AZIN1: variants seen among roughly 807,000 people sequenced by gnomAD.
AZIN1 encodes antizyme inhibitor 1.
In AZIN1, 12 loss-of-function variants were observed where a neutral mutation model predicts 47.4. The observed-to-expected ratio is 0.25, with a 90% CI of 0.16 to 0.41. The LOEUF is 0.41. Among genes scored for constraint, AZIN1 ranks in the 10% least tolerant of loss-of-function variants. The pLI, the probability that AZIN1 is intolerant of heterozygous loss-of-function variation, is 1.00. For synonymous variants in AZIN1, 155 were observed against 176.3 expected, an observed-to-expected ratio of 0.88 and a Z score of 0.96; for missense variants, 410 against 532.4, an observed-to-expected ratio of 0.77 and a Z score of 2.26.
chr8:102,834,590 G>T, intron 7 of AZIN1, 76 bp downstream of exon 7: 1 of 1,133,660 alleles, frequency 8.8e-7, no homozygotes, highest in Non-Finnish European at 1.3e-6. Context: ...ATTCACACAG[G>T]CAGAAAATAC....
chr8:102,842,075 C>T (rs972544622), intron 3 of AZIN1, among the ~76,000 whole-genome samples: 10 of 151,604 alleles, frequency 6.6e-5, no homozygotes, highest in Admixed American at 1.3e-4. Context: ...CGCACCACTG[C>T]GCTCCAGCCT....
intron 2 of AZIN1, among the ~76,000 whole-genome samples, chr8:102,856,583 A>C (rs1017755525): frequency 1.3e-5 from 2 of 152,260 alleles, no homozygotes; most frequent in African/African-American, 4.8e-5. Flanking sequence ...AAGAGACACG[A>C]ATTAAAAGAA....
At chr8:102,840,411 T>C (rs1263770105) in intron 3 of AZIN1, among the ~76,000 whole-genome samples, 1 of 152,182 alleles carries the variant, frequency 6.6e-6, no homozygotes, top group East Asian at 1.9e-4. Flanking sequence ...GGTGCAATCA[T>C]AGCTTACTAC....
chr8:102,860,952 T>G (rs941261283), intron 1 of AZIN1, among the ~76,000 whole-genome samples: 2 of 152,164 alleles, frequency 1.3e-5, no homozygotes, highest in Non-Finnish European at 2.9e-5. Context: ...ACTGAGAAAC[T>G]GTCACAAACC....
At chr8:102,844,158 T>A (rs1423782806) in intron 2 of AZIN1, among the ~76,000 whole-genome samples, 2 of 152,208 alleles carry the variant, frequency 1.3e-5, no homozygotes, top group Non-Finnish European at 2.9e-5. Flanking sequence ...CAACTTCCAA[T>A]ATACTGTCAG....
At chr8:102,848,324 A>C (rs1446277542) in intron 2 of AZIN1, among the ~76,000 whole-genome samples, 1 of 22,142 alleles carries the variant, frequency 4.5e-5, no homozygotes, top group Non-Finnish European at 1.1e-4. Context: ...CTAAAAGGCC[A>C]AAAAAAAAAA....
chr8:102,831,995 C>T (rs1365083150), intron 9 of AZIN1, among the ~76,000 whole-genome samples: 2 of 152,108 alleles, frequency 1.3e-5, no homozygotes, highest in Non-Finnish European at 2.9e-5. Flanking sequence ...CTATCATGTG[C>T]CTCCTAACAT....
chr8:102,837,933 T>A (rs948304020), intron 5 of AZIN1, among the ~76,000 whole-genome samples: 3 of 152,228 alleles, frequency 2.0e-5, no homozygotes, highest in Admixed American at 6.5e-5. Flanking sequence ...TTTTTGCTTT[T>A]AAAAAAGTAA....
In AZIN1 at chr8:102,840,549, C is replaced by A. The variant is rs553567770; in HGVS notation, c.103-726G>T. Among the ~76,000 whole-genome samples the A allele has an allele frequency of 2.0e-5, 3 of 152,198 alleles. No individual in the cohort carries two copies. The East Asian group carries it at 5.8e-4, about 29-fold the overall frequency. On this transcript the variant is annotated intron_variant, in intron 3 of 11. Transcript: ENST00000337198. Reference sequence around the variant, plus strand: ...AAAAAGACAAGGTTGTTAGTCTGCACATGGAGATGTCAAAATTAGATTTTA... The same window carrying A: ...AAAAAGACAAGGTTGTTAGTCTGCAAATGGAGATGTCAAAATTAGATTTTA...
At chr8:102,863,549 C>A (rs1813895273) in intron 1 of AZIN1, among the ~76,000 whole-genome samples, 2 of 151,392 alleles carry the variant, frequency 1.3e-5, no homozygotes, top group South Asian at 4.1e-4. Flanking sequence ...GCCCCCTCGC[C>A]CCAACTGCTG....
At chr8:102,843,082 CTG>C (rs1812322219) in intron 3 of AZIN1, among the ~76,000 whole-genome samples, 1 of 151,492 alleles carries the variant, frequency 6.6e-6, no homozygotes, top group Non-Finnish European at 1.5e-5. Flanking sequence ...TGGTGTGCGC[CTG>C]TAATTCTAGC....
At chr8:102,835,375 A>G (rs111451996) in intron 6 of AZIN1, 7,354 of 152,472 alleles carry the variant, frequency 0.048, 258 homozygotes, top group Non-Finnish European at 0.071. Context: ...GTTGACTTAA[A>G]TTAAAACTTA....
chr8:102,844,198 GATAAATGTCTT>G (rs1812405864), intron 2 of AZIN1, among the ~76,000 whole-genome samples: 1 of 152,160 alleles, frequency 6.6e-6, no homozygotes, highest in East Asian at 1.9e-4. Context: ...GGTAATTGCA[GATAAATGTCTT>G]ATAAATAAAA....
chr8:102,842,336 G>A (rs764359389), intron 3 of AZIN1, among the ~76,000 whole-genome samples: 16 of 152,016 alleles, frequency 1.1e-4, no homozygotes, highest in African/African-American at 3.1e-4. Flanking sequence ...CTGGGAGGCT[G>A]AGGCGGGCAG....
chr8:102,846,321 TATG>T (rs1443007369), intron 2 of AZIN1, among the ~76,000 whole-genome samples: 1 of 152,236 alleles, frequency 6.6e-6, no homozygotes, highest in Non-Finnish European at 1.5e-5. Flanking sequence ...GCTACAGTAG[TATG>T]ATGATATGGA....
chr8:102,860,224 G>A (rs1224186843), intron 1 of AZIN1, among the ~76,000 whole-genome samples: 3 of 152,162 alleles, frequency 2.0e-5, no homozygotes, highest in East Asian at 3.8e-4. Flanking sequence ...GAGAGGGCTC[G>A]GTTGGTCAGT....
chr8:102,841,553 A>G (rs1812179888), intron 3 of AZIN1, among the ~76,000 whole-genome samples: 1 of 152,178 alleles, frequency 6.6e-6, no homozygotes, highest in Non-Finnish European at 1.5e-5. Context: ...GTTGACCAAT[A>G]TGACAAGTTT....
chr8:102,839,852 T>A, intron 3 of AZIN1, 29 bp from the exon 4 acceptor site: 1 of 1,511,526 alleles, frequency 6.6e-7, no homozygotes, highest in Admixed American at 2.1e-5. Flanking sequence ...AAAAGACAAA[T>A]ATGAACAAAA....
chr8:102,847,847 G>C (rs561092735), intron 2 of AZIN1, among the ~76,000 whole-genome samples: 3 of 151,968 alleles, frequency 2.0e-5, no homozygotes, highest in Non-Finnish European at 4.4e-5. Context: ...CTCCCACCAT[G>C]GCCTCCCAAA....
Sources: allele counts gnomAD v4.1 joint callset (sites outside exome capture counted in the v4.1 genomes callset), GRCh38; gene constraint gnomAD v4.1.1; transcripts MANE v1.5; gene names NCBI Gene and HGNC (gene_info 2026-07-23, HGNC 2026-07-21).